SDK1: variants seen among roughly 807,000 people sequenced by gnomAD.
SDK1 encodes the protein sidekick cell adhesion molecule 1.
SDK1 carries 157 observed loss-of-function variants against 245.5 expected under a neutral mutation model. The observed-to-expected ratio is 0.64, with a 90% CI of 0.56 to 0.73. The LOEUF (loss-of-function observed/expected upper bound fraction) is 0.73, where lower values mean the gene tolerates loss of function less well. Among genes scored for constraint, SDK1 ranks in the 30% least tolerant of loss-of-function variants. The pLI is 0.00. For missense variants in SDK1, 3,583 were observed against 3,002.3 expected (o/e 1.19, Z -4.52); for synonymous variants, 1,647 against 1,278.5 (o/e 1.29, Z -6.15).
intron 5 of SDK1, among the ~76,000 whole-genome samples, chr7:3,909,264 A>G (rs1779068066): frequency 6.6e-6 from 1 of 152,024 alleles, no homozygotes; most frequent in Non-Finnish European, 1.5e-5. Flanking sequence ...TCTGCTCTCC[A>G]GCAGGCTCTC....
chr7:4,252,834 T>C (rs111744483), intron 44 of SDK1, among the ~76,000 whole-genome samples: 25 of 135,604 alleles, frequency 1.8e-4, no homozygotes, highest in South Asian at 4.5e-4. Flanking sequence ...TCCCCCCCCC[T>C]CTTTTTTTTT....
chr7:4,098,070 T>C (rs569689728), intron 22 of SDK1, among the ~76,000 whole-genome samples: 1 of 152,210 alleles, frequency 6.6e-6, no homozygotes, highest in Non-Finnish European at 1.5e-5. Flanking sequence ...CTGTCCATAA[T>C]AACACCCTCA....
At chr7:4,246,881 G>A (rs760428779) in intron 44 of SDK1, among the ~76,000 whole-genome samples, 9 of 152,190 alleles carry the variant, frequency 5.9e-5, no homozygotes, top group African/African-American at 1.4e-4. Context: ...GGTCCTGTGC[G>A]GCGTGACCCA....
chr7:3,877,916 C>T (rs1781113887), intron 5 of SDK1, among the ~76,000 whole-genome samples: 1 of 152,208 alleles, frequency 6.6e-6, no homozygotes, highest in East Asian at 1.9e-4. Context: ...CTGCCTTACA[C>T]ATAAGTCTTT....
intron 17 of SDK1, among the ~76,000 whole-genome samples, chr7:4,025,924 C>G (rs557459738): frequency 6.6e-6 from 1 of 152,364 alleles, no homozygotes; most frequent in African/African-American, 2.4e-5. Context: ...GCCGCCCACA[C>G]TGAGCCTGGC....
intron 2 of SDK1, among the ~76,000 whole-genome samples, chr7:3,622,336 C>G (rs1781967457): frequency 6.6e-6 from 1 of 152,078 alleles, no homozygotes; most frequent in Non-Finnish European, 1.5e-5. Context: ...CAAAAATTAG[C>G]CAGGCATGGT....
chr7:3,877,839 A>G (rs1227619158), intron 5 of SDK1, among the ~76,000 whole-genome samples: 3 of 152,258 alleles, frequency 2.0e-5, no homozygotes, highest in Non-Finnish European at 2.9e-5. Context: ...GAATGCCATG[A>G]TATGGATTTT....
Position 3,792,872 on chromosome 7 carries a change from A to G in SDK1, c.714-28578A>G, listed in dbSNP as rs141769522. Among the ~76,000 whole-genome samples, 384 of 152,324 alleles carry G rather than the reference A, an allele frequency of 2.5e-3. 3 individuals are homozygous for G. Among genetic ancestry groups the G allele is most frequent in the African/African-American group, 8.5e-3 (352 of 41,576 alleles). On this transcript the variant is annotated intron_variant, in intron 4 of 44. Transcript: ENST00000404826. ...TTGATGGTTCCTGCCTACAGTCCCC[A>G]TCACCTTCCTCTAGCACTGGCGTTT...
At chr7:3,512,380 G>C (rs1169229077) in intron 1 of SDK1, among the ~76,000 whole-genome samples, 1 of 152,116 alleles carries the variant, frequency 6.6e-6, no homozygotes, top group Admixed American at 6.6e-5. Flanking sequence ...GAATATCTTG[G>C]TTGCTTCCAA....
intron 4 of SDK1, among the ~76,000 whole-genome samples, chr7:3,789,162 T>A (rs762964090): frequency 6.6e-6 from 1 of 152,188 alleles, no homozygotes; most frequent in Non-Finnish European, 1.5e-5. Flanking sequence ...CTGCTTTTTT[T>A]TTTGGACGGA....
chr7:3,508,908 T>G (rs1447003060), intron 1 of SDK1, among the ~76,000 whole-genome samples: 1 of 152,226 alleles, frequency 6.6e-6, no homozygotes, highest in Non-Finnish European at 1.5e-5. Flanking sequence ...AGTATTTTAT[T>G]CAGTGCAGGA....
rs1779640558 is a variant in SDK1 at position 3,746,898 on chromosome 7, A to G, written c.714-74552A>G. Reference sequence around the variant, plus strand: ...ATGAATCCCGAATGTTCTTGATGGCATCTAGAATGATGAATGCTTTTCAGA... The same window carrying G: ...ATGAATCCCGAATGTTCTTGATGGCGTCTAGAATGATGAATGCTTTTCAGA... On this transcript the variant is annotated intron_variant, in intron 4 of 44. Coordinates refer to ENST00000404826, the MANE Select transcript of SDK1 (RefSeq NM_152744.4). 2.0e-5 allele frequency among the ~76,000 whole-genome samples: 3 copies of G among 152,178 alleles called. No homozygotes were observed. In the South Asian group the frequency reaches 6.2e-4, roughly 32 times the overall value.
At chr7:3,899,578 G>T (rs985975646) in intron 5 of SDK1, among the ~76,000 whole-genome samples, 1 of 152,180 alleles carries the variant, frequency 6.6e-6, no homozygotes, top group African/African-American at 2.4e-5. Flanking sequence ...CCCTCCCGAG[G>T]TGGCACACTG....
intron 1 of SDK1, among the ~76,000 whole-genome samples, chr7:3,315,422 T>C (rs1779640594): frequency 6.6e-6 from 1 of 152,174 alleles, no homozygotes; most frequent in African/African-American, 2.4e-5. Context: ...CCCCTGTCTC[T>C]GGAGCCCCTG....
chr7:3,626,017 C>T (rs1782107371), intron 2 of SDK1, among the ~76,000 whole-genome samples: 1 of 146,440 alleles, frequency 6.8e-6, no homozygotes. Context: ...AATCATAGCT[C>T]ATTGCAGCCT....
At chr7:3,404,520 G>A (rs1000504046) in intron 1 of SDK1, among the ~76,000 whole-genome samples, 7 of 152,178 alleles carry the variant, frequency 4.6e-5, no homozygotes, top group Non-Finnish European at 8.8e-5. Flanking sequence ...CAACTTGTTA[G>A]TCTGCCCTTA....
rs1192996488 is a variant in SDK1, at chr7:3,971,528, C to T, written c.1777C>T (p.Leu593=). 4 of 1,613,780 alleles carry T rather than the reference C, an allele frequency of 2.5e-6. No homozygotes were observed. The highest frequency in any genetic ancestry group is 3.4e-6 in the Non-Finnish European group (4 of 1,179,854). The part of the protein sequence containing the change: ...HVVIKGTTAT[L]HCGATHDPRV... ...GGTGATTAAGGGGACCACGGCCACG[C>T]TGCACTGTGGTGCCACACATGACCC... The change falls in exon 12 of 45, where the codon CTG becomes TTG. Residue 593 remains leucine, a synonymous_variant. Coordinates refer to ENST00000404826, the MANE Select transcript of SDK1 (RefSeq NM_152744.4).
At chr7:3,733,315 C>T (rs1183838966) in intron 4 of SDK1, among the ~76,000 whole-genome samples, 3 of 152,162 alleles carry the variant, frequency 2.0e-5, no homozygotes, top group African/African-American at 4.8e-5. Flanking sequence ...ATTGGGAAGC[C>T]TCCTAAATAT....
At chr7:3,422,308 A>G (rs1162215512) in intron 1 of SDK1, among the ~76,000 whole-genome samples, 3 of 152,204 alleles carry the variant, frequency 2.0e-5, no homozygotes. Context: ...AAAAATTTAG[A>G]AAATACTTAA....
Sources: gnomAD v4.1 joint callset for allele counts (sites outside exome capture counted in the v4.1 genomes callset) on GRCh38, gnomAD v4.1.1 for gene constraint, MANE v1.5 for transcripts, NCBI Gene and HGNC (gene_info 2026-07-23, HGNC 2026-07-21) for gene names.